NOS1AP: variants seen among roughly 807,000 people sequenced by gnomAD.
NOS1AP encodes the protein carboxyl-terminal PDZ ligand of neuronal nitric oxide synthase protein.
In NOS1AP, 21 loss-of-function variants were observed where a neutral mutation model predicts 56.2. The ratio of observed to expected loss-of-function variants is 0.37; its 90% confidence interval spans 0.26 to 0.54. NOS1AP has a LOEUF of 0.54. NOS1AP is among the 20% of genes least tolerant of loss of function. The pLI is 0.84. For missense variants in NOS1AP, 522 were observed against 657.8 expected, an observed-to-expected ratio of 0.79 and a Z score of 2.26; for synonymous variants, 270 against 274.6, an observed-to-expected ratio of 0.98 and a Z score of 0.17.
chr1:162,277,624 A>G (rs1454494987), intron 2 of NOS1AP, among the ~76,000 whole-genome samples: 1 of 152,194 alleles, frequency 6.6e-6, no homozygotes, highest in Non-Finnish European at 1.5e-5. Context: ...CGGGTAGAAG[A>G]CTTGGGAGAG....
intron 2 of NOS1AP, among the ~76,000 whole-genome samples, chr1:162,255,032 C>T (rs1653980935): frequency 6.6e-6 from 1 of 152,146 alleles, no homozygotes; most frequent in South Asian, 2.1e-4. Context: ...ATATTTTCTT[C>T]AAAAGGTCTT....
chr1:162,351,849 A>T (rs962805470), intron 6 of NOS1AP, among the ~76,000 whole-genome samples: 1 of 151,622 alleles, frequency 6.6e-6, no homozygotes, highest in Non-Finnish European at 1.5e-5. Flanking sequence ...TCCACTCTTG[A>T]TATCTTTTCA....
At chr1:162,261,511 AG>A (rs1211637035) in intron 2 of NOS1AP, among the ~76,000 whole-genome samples, 835 of 21,302 alleles carry the variant, frequency 0.039, 313 homozygotes, top group Middle Eastern at 0.094. Context: ...AGAGAGAGAG[AG>A]AGAGAGAGAG....
At chr1:162,316,511 G>T (rs894531174) in intron 4 of NOS1AP, among the ~76,000 whole-genome samples, 1 of 152,168 alleles carries the variant, frequency 6.6e-6, no homozygotes, top group Non-Finnish European at 1.5e-5. Context: ...TTTTCTCGTG[G>T]ATTATCTTGG....
chr1:162,115,607 A>G (rs1386829261), intron 1 of NOS1AP, among the ~76,000 whole-genome samples: 1 of 152,164 alleles, frequency 6.6e-6, no homozygotes. Context: ...GCAGACTCTC[A>G]GGCCCCTTCC....
intron 2 of NOS1AP, among the ~76,000 whole-genome samples, chr1:162,271,586 C>T (rs779970751): frequency 1.3e-5 from 2 of 151,970 alleles, no homozygotes; most frequent in African/African-American, 2.4e-5. Context: ...TTCAGCCTTT[C>T]GTGTGTGCTG....
chr1:162,302,933 G>T (rs1191762660), intron 4 of NOS1AP, among the ~76,000 whole-genome samples: 1 of 151,964 alleles, frequency 6.6e-6, no homozygotes, highest in Non-Finnish European at 1.5e-5. Context: ...TTTTTGGGAG[G>T]AGCTGGCTTC....
At chr1:162,355,450 C>T (rs1346045643) in intron 7 of NOS1AP, 97 bp downstream of exon 7, 5 of 1,445,552 alleles carry the variant, frequency 3.5e-6, no homozygotes, top group Admixed American at 3.4e-5. Context: ...CCGAGTGAGG[C>T]ACTCCATGGC....
intron 5 of NOS1AP, among the ~76,000 whole-genome samples, chr1:162,343,096 T>G (rs1372095478): frequency 6.6e-6 from 1 of 152,246 alleles, no homozygotes; most frequent in Non-Finnish European, 1.5e-5. Flanking sequence ...ACAGCCTGCA[T>G]GGGTGGCCTA....
chr1:162,095,295 A>G (rs1034601704), intron 1 of NOS1AP, among the ~76,000 whole-genome samples: 13 of 152,144 alleles, frequency 8.5e-5, no homozygotes, highest in Admixed American at 2.6e-4. Context: ...GTGCCCTTAT[A>G]AGGTGAGACA....
At chr1:162,204,793 A>C (rs952547300) in intron 2 of NOS1AP, among the ~76,000 whole-genome samples, 4 of 152,172 alleles carry the variant, frequency 2.6e-5, no homozygotes, top group Non-Finnish European at 4.4e-5. Flanking sequence ...ATGAATCTGA[A>C]TCACTGGGTT....
intron 1 of NOS1AP, 106 bp from the exon 2 acceptor site, chr1:162,154,299 A>G: frequency 1.1e-6 from 1 of 920,950 alleles, no homozygotes; most frequent in Non-Finnish European, 1.7e-6. Flanking sequence ...TAATTTCTTC[A>G]TCTGTAAAAT....
intron 1 of NOS1AP, among the ~76,000 whole-genome samples, chr1:162,132,274 C>G (rs4657150): frequency 6.6e-6 from 1 of 152,042 alleles, no homozygotes; most frequent in South Asian, 2.1e-4. Flanking sequence ...GGGAAGGTGA[C>G]GCACATTGGA....
chr1:162,108,335 T>C (rs1647589723), intron 1 of NOS1AP, among the ~76,000 whole-genome samples: 1 of 152,190 alleles, frequency 6.6e-6, no homozygotes. Flanking sequence ...GAACATCATA[T>C]TGGATAATAC....
intron 2 of NOS1AP, among the ~76,000 whole-genome samples, chr1:162,229,959 A>T (rs1653070617): frequency 6.6e-6 from 1 of 152,154 alleles, no homozygotes; most frequent in Non-Finnish European, 1.5e-5. Context: ...TTGAATGGAA[A>T]ATCTAGTATG....
At position 162,154,466 on chromosome 1, in the gene NOS1AP, G is replaced by T; in HGVS notation, c.167G>T (p.Arg56Leu). The T allele has an allele frequency of 1.2e-6, 2 of 1,613,968 alleles. No homozygotes were observed. Among genetic ancestry groups the T allele is most frequent in the Non-Finnish European group, 1.7e-6 (2 of 1,179,902 alleles). The change falls in exon 2 of 10, where the codon CGC (arginine) becomes CTC (leucine). Residue 56 changes from arginine (R) to leucine (L), a missense_variant. By Grantham distance (102) the Arg-to-Leu change is moderately radical (BLOSUM62 -2). This residue lies in a region of NOS1AP where 132 missense variants were observed against 218.1 expected (regional missense o/e 0.61). Transcript: ENST00000361897. Reference protein sequence around the residue: ...NSRVEIVAAMRRIRYEFKAKN... With the variant: ...NSRVEIVAAMLRIRYEFKAKN... Reference sequence around the variant, plus strand: ...AGGGTGGAGATCGTGGCTGCCATGCGCCGGATACGGGTGAGTGGCCAGAGG... The same window carrying T: ...AGGGTGGAGATCGTGGCTGCCATGCTCCGGATACGGGTGAGTGGCCAGAGG...
At chr1:162,134,869 T>C (rs1648923874) in intron 1 of NOS1AP, among the ~76,000 whole-genome samples, 1 of 152,158 alleles carries the variant, frequency 6.6e-6, no homozygotes, top group Non-Finnish European at 1.5e-5. Context: ...TGCAAGGCCT[T>C]CATGACCTGA....
chr1:162,221,087 A>G (rs1319501052), intron 2 of NOS1AP, among the ~76,000 whole-genome samples: 1 of 152,168 alleles, frequency 6.6e-6, no homozygotes, highest in South Asian at 2.1e-4. Flanking sequence ...GACTGCAGGC[A>G]TGGACCACCA....
At chr1:162,271,906 T>A (rs1654592162) in intron 2 of NOS1AP, among the ~76,000 whole-genome samples, 1 of 152,162 alleles carries the variant, frequency 6.6e-6, no homozygotes, top group Non-Finnish European at 1.5e-5. Flanking sequence ...GTTTGTTTGT[T>A]TTTTGGTCTC....
Sources: gnomAD v4.1 joint callset for allele counts (sites outside exome capture counted in the v4.1 genomes callset) on GRCh38, gnomAD v4.1.1 for gene constraint, gnomAD v4.1.1 regional missense constraint, MANE v1.5 for transcripts, NCBI Gene and HGNC (gene_info 2026-07-23, HGNC 2026-07-21) for gene names.